Variants in GPATCH1 observed in about 807,000 individuals in gnomAD.
GPATCH1 encodes G-patch domain containing 1.
A neutral mutation model predicts 114.9 loss-of-function variants in GPATCH1; 73 were observed. That is an observed-to-expected ratio of 0.64 (90% CI 0.53 to 0.77). The LOEUF (loss-of-function observed/expected upper bound fraction) is 0.77, where lower values mean the gene tolerates loss of function less well. Among genes scored for constraint, GPATCH1 ranks in the 30% least tolerant of loss-of-function variants. The pLI, the probability that GPATCH1 is intolerant of heterozygous loss-of-function variation, is 0.00. For missense variants in GPATCH1, 1,058 were observed against 1,144.3 expected (o/e 0.92, Z 1.09); for synonymous variants, 391 against 428.4 (o/e 0.91, Z 1.08).
chr19:33,091,139 C>T (rs770452465), intron 3 of GPATCH1, among the ~76,000 whole-genome samples: 1 of 151,992 alleles, frequency 6.6e-6, no homozygotes, highest in Non-Finnish European at 1.5e-5. Flanking sequence ...TGGCTGGGTG[C>T]GGTGGCTCAC....
At chr19:33,098,327 A>C (rs1421721819) in intron 8 of GPATCH1, among the ~76,000 whole-genome samples, 1 of 152,198 alleles carries the variant, frequency 6.6e-6, no homozygotes, top group Non-Finnish European at 1.5e-5. Context: ...AGCAAGATGG[A>C]GCTGGGCGCC....
At chr19:33,117,779 T>C in intron 15 of GPATCH1, 46 bp from the exon 16 acceptor site, 2 of 1,364,180 alleles carry the variant, frequency 1.5e-6, no homozygotes, top group Non-Finnish European at 2.1e-6. Context: ...TCCTCCCTTT[T>C]ACCCTTGCCT....
At position 33,096,465 on chromosome 19, in the gene GPATCH1, T is replaced by G. The variant is rs1266564031; in HGVS notation, c.852+19T>G. ...AGGCCAGGTAAAATTATTTTCTATT[T>G]TATAAAGGGGGAGTCATTGATAAAT... On this transcript the variant is annotated intron_variant, in intron 7 of 19. Coordinates refer to ENST00000170564, the MANE Select transcript of GPATCH1 (RefSeq NM_018025.3). The G allele has an allele frequency of 6.3e-7, 1 of 1,590,028 alleles. No homozygotes were observed. Among genetic ancestry groups the G allele is most frequent in the South Asian group, 1.1e-5 (1 of 88,630 alleles).
At chr19:33,108,539 G>A (rs1972813417) in intron 10 of GPATCH1, among the ~76,000 whole-genome samples, 2 of 150,346 alleles carry the variant, frequency 1.3e-5, no homozygotes, top group African/African-American at 4.9e-5. Context: ...GACTTATCTC[G>A]AATGTTACTT....
chr19:33,096,096 G>A (rs1972654844), intron 6 of GPATCH1, 111 bp from the exon 7 acceptor site: 58 of 1,126,392 alleles, frequency 5.1e-5, no homozygotes, highest in Non-Finnish European at 6.8e-5. Flanking sequence ...ACCAATGAAA[G>A]TTTGCTAATT....
At chr19:33,095,930 G>A (rs1236774356) in intron 6 of GPATCH1, 110 bp downstream of exon 6, 1 of 841,650 alleles carries the variant, frequency 1.2e-6, no homozygotes, top group East Asian at 2.4e-5. Flanking sequence ...TAACTATACA[G>A]TTAAATACTC....
At chr19:33,087,700 T>TG (rs1212162992) in intron 1 of GPATCH1, among the ~76,000 whole-genome samples, 5 of 151,078 alleles carry the variant, frequency 3.3e-5, no homozygotes, top group African/African-American at 7.3e-5. Context: ...TTTTTTTTTT[T>TG]GGGGGAGAAG....
Position 33,096,375 on chromosome 19 carries a change from G to T in GPATCH1, c.781G>T (p.Gly261Cys), listed in dbSNP as rs770158839. The change falls in exon 7 of 20, where the codon GGT (glycine) becomes TGT (cysteine). Residue 261 changes from glycine (G) to cysteine (C), a missense_variant. Gly to Cys is a radical substitution (Grantham distance 159, BLOSUM62 -3). Around this residue, in one of 3 missense-constraint regions of GPATCH1, gnomAD observed 893 missense variants for 977.4 expected, o/e 0.91. Coordinates refer to ENST00000170564, the MANE Select transcript of GPATCH1 (RefSeq NM_018025.3). ...SGEHFNLFSG[G>C]SERAGDLGEI... is the part of the protein sequence containing the mutation. ...AGAACATTTTAATCTTTTCAGTGGT[G>T]GTTCTGAGAGAGCTGGCGATCTTGG... The T allele has an allele frequency of 6.2e-7, 1 of 1,613,830 alleles. No homozygotes were observed. Among genetic ancestry groups the T allele is most frequent in the Non-Finnish European group, 8.5e-7 (1 of 1,179,840 alleles).
intron 9 of GPATCH1, among the ~76,000 whole-genome samples, chr19:33,105,509 C>CTTTTT (rs1278429207): frequency 1.3e-5 from 2 of 150,732 alleles, no homozygotes; most frequent in Non-Finnish European, 2.9e-5. Context: ...TTAAAAATAA[C>CTTTTT]TACAGTTATT....
chr19:33,125,329 A>G (rs555867112), intron 18 of GPATCH1, 127 bp downstream of exon 18: 13 of 1,028,006 alleles, frequency 1.3e-5, no homozygotes, highest in Non-Finnish European at 1.7e-5. Context: ...CTGAGACTTA[A>G]CAGAAATGTT....
intron 8 of GPATCH1, among the ~76,000 whole-genome samples, chr19:33,101,178 C>T (rs547456020): frequency 1.4e-4 from 22 of 152,274 alleles, no homozygotes; most frequent in East Asian, 1.9e-4. Context: ...TTTTACTCCA[C>T]GGGGTATATC....
chr19:33,084,392 T>C (rs746179004), intron 1 of GPATCH1, among the ~76,000 whole-genome samples: 6 of 152,168 alleles, frequency 3.9e-5, no homozygotes, highest in Non-Finnish European at 7.4e-5. Flanking sequence ...ATTCTTTCCT[T>C]AGACACTTCC....
rs369537409 is a variant in GPATCH1, at chr19:33,109,854, C to T, written c.1423C>T (p.Gln475Ter). 6.2e-7 allele frequency: 1 copy of T among 1,613,994 alleles called. No homozygotes were observed. Among genetic ancestry groups the T allele is most frequent in the Non-Finnish European group, 8.5e-7 (1 of 1,180,012 alleles). The change falls in exon 11 of 20, where the codon CAG becomes TAG. Residue 475 changes from glutamine to a stop codon, truncating the protein, a stop_gained. Coordinates refer to ENST00000170564, the MANE Select transcript of GPATCH1 (RefSeq NM_018025.3). LOFTEE classifies it high-confidence loss of function. ...CCAGAACGCTCAGAGCAGCAGAGCC[C>T]AGCTCTCCCCTGCAGCGGCTGCTGG... ...LAQNAQSSRA[Q>*]LSPAAAAGHC... is the part of the protein sequence containing the mutation.
intron 3 of GPATCH1, among the ~76,000 whole-genome samples, chr19:33,092,416 C>T (rs1480422621): frequency 1.3e-5 from 2 of 152,126 alleles, no homozygotes; most frequent in Non-Finnish European, 2.9e-5. Flanking sequence ...TCTACATTTG[C>T]TTGCACAAAT....
chr19:33,115,225 A>ATTTTTTTTTTTTTTTTTTTTTTTT (rs71176196), intron 15 of GPATCH1, among the ~76,000 whole-genome samples: 1 of 56,860 alleles, frequency 1.8e-5, no homozygotes, highest in Non-Finnish European at 3.0e-5. Context: ...TGCCTGGCTA[A>ATTTTTTTTTTTTTTTTTTTTTTTT]TTTTTTTTTT....
At chr19:33,110,055 G>C in intron 11 of GPATCH1, 39 bp downstream of exon 11, 1 of 1,530,894 alleles carries the variant, frequency 6.5e-7, no homozygotes, top group Non-Finnish European at 8.9e-7. Flanking sequence ...CTCGGCCCGG[G>C]CGGGGTCATA....
intron 19 of GPATCH1, among the ~76,000 whole-genome samples, chr19:33,128,805 C>T (rs1359472963): frequency 6.6e-6 from 1 of 152,170 alleles, no homozygotes. Flanking sequence ...GTGGAAGATT[C>T]CTTCTTGTGA....
chr19:33,110,581 C>T (rs1338524574), intron 11 of GPATCH1, among the ~76,000 whole-genome samples: 4 of 151,498 alleles, frequency 2.6e-5, no homozygotes, highest in Non-Finnish European at 4.4e-5. Flanking sequence ...CAGATCTTTG[C>T]GGAATGTAAA....
rs35241970 is a variant in GPATCH1, at chr19:33,123,073, AAAATAAATAAAT to A, written c.2522-1998_2522-1987del. On this transcript the variant is annotated intron_variant, in intron 17 of 19. Coordinates refer to ENST00000170564, the MANE Select transcript of GPATCH1 (RefSeq NM_018025.3). ...GGTGACAAAGCGAGATGCTGTCTCA[AAAATAAATAAAT>A]AAATAAATAAATAAATAAATAAATA... is the stretch of plus-strand genomic sequence containing the variant. Among the ~76,000 whole-genome samples the A allele has an allele frequency of 1.6e-3, 217 of 138,416 alleles. 3 individuals are homozygous for A. Among genetic ancestry groups the A allele is most frequent in the South Asian group, 3.4e-3 (14 of 4,072 alleles). 90.8% of individuals were successfully genotyped at this position (138,416 alleles called of 152,430 possible).
Sources: allele counts gnomAD v4.1 joint callset (sites outside exome capture counted in the v4.1 genomes callset), GRCh38; gene constraint gnomAD v4.1.1; regional missense constraint gnomAD v4.1.1; transcripts MANE v1.5; gene names NCBI Gene and HGNC (gene_info 2026-07-23, HGNC 2026-07-21).